Variants in ARHGEF26 observed in about 807,000 individuals in gnomAD.
ARHGEF26 encodes the protein Rho guanine nucleotide exchange factor 26.
Under a neutral mutation model 89.4 loss-of-function variants are expected in ARHGEF26, and 59 were observed. The observed-to-expected ratio is 0.66, with a 90% CI of 0.54 to 0.82. ARHGEF26 has a LOEUF of 0.82. Ranked by LOEUF, ARHGEF26 falls within the 40% of genes least tolerant of loss-of-function variation. The pLI is 0.00. For missense variants in ARHGEF26, 1,234 were observed against 1,085.6 expected, an observed-to-expected ratio of 1.14 and a Z score of -1.92; for synonymous variants, 500 against 428.4, an observed-to-expected ratio of 1.17 and a Z score of -2.06.
chr3:154,254,919 A>C, intron 14 of ARHGEF26, 95 bp downstream of exon 14: 1 of 968,030 alleles, frequency 1.0e-6, no homozygotes, highest in Admixed American at 1.9e-5. Flanking sequence ...CCCATATTCC[A>C]AATCTTGACA....
intron 2 of ARHGEF26, among the ~76,000 whole-genome samples, chr3:154,123,649 T>TTG (rs1260310418): frequency 6.6e-6 from 1 of 152,218 alleles, no homozygotes; most frequent in Non-Finnish European, 1.5e-5. Context: ...TTTGTCATCT[T>TTG]TTTTGTTGCT....
chr3:154,139,121 G>A (rs1719198284), intron 4 of ARHGEF26, among the ~76,000 whole-genome samples: 1 of 152,150 alleles, frequency 6.6e-6, no homozygotes, highest in Non-Finnish European at 1.5e-5. Context: ...GGGTAGAAGA[G>A]TCTCAGGTAG....
At chr3:154,213,811 T>C (rs1171066337) in intron 9 of ARHGEF26, among the ~76,000 whole-genome samples, 1 of 152,162 alleles carries the variant, frequency 6.6e-6, no homozygotes, top group Admixed American at 6.5e-5. Flanking sequence ...AATTGTTTCT[T>C]TTTTTTAAAA....
chr3:154,237,358 A>T (rs538341865), intron 11 of ARHGEF26, among the ~76,000 whole-genome samples: 1 of 152,226 alleles, frequency 6.6e-6, no homozygotes, highest in South Asian at 2.1e-4. Flanking sequence ...CATGGCCAAC[A>T]TGGTGAAACC....
At chr3:154,207,301 C>G (rs949295242) in intron 9 of ARHGEF26, among the ~76,000 whole-genome samples, 3 of 152,092 alleles carry the variant, frequency 2.0e-5, no homozygotes, top group South Asian at 2.1e-4. Context: ...AGGAAACTCT[C>G]AACAGAGTAA....
rs1718578859 is a variant in ARHGEF26, at chr3:154,257,224, C to CTAA, written c.*1753_*1755dup. On this transcript the variant is annotated 3_prime_UTR_variant, in exon 15 of 15. Transcript: ENST00000465093. ...GCTCTTTTTGACCTGTGCATACCTT[C>CTAA]TAATTGTAAAATATATTTCAGACCG... 4 of 301,064 alleles carry CTAA rather than the reference C, an allele frequency of 1.3e-5. No homozygotes were observed. Among genetic ancestry groups the CTAA allele is most frequent in the Non-Finnish European group, 2.4e-5 (4 of 165,058 alleles). The allele number at this position is 301,064 out of a possible 1,614,324, so 18.6% of individuals were successfully genotyped here.
intron 10 of ARHGEF26, among the ~76,000 whole-genome samples, chr3:154,221,976 A>G (rs1716159370): frequency 6.6e-6 from 1 of 152,168 alleles, no homozygotes; most frequent in African/African-American, 2.4e-5. Context: ...TTGGTTGCAA[A>G]TTTACTAAGT....
chr3:154,194,612 A>G, intron 8 of ARHGEF26, 32 bp from the exon 9 acceptor site: 1 of 1,487,648 alleles, frequency 6.7e-7, no homozygotes, highest in East Asian at 2.4e-5. Context: ...AAAATAGATC[A>G]ATAAATTTTG....
Position 154,254,197 on chromosome 3 carries a change from G to A in ARHGEF26, c.2369-523G>A, listed in dbSNP as rs376545396. ...CCCAAAGTGCTGGGATTACAGGCGT[G>A]AGCCACCGTGCCCGGCCACATGTCA... On this transcript the variant is annotated intron_variant, in intron 13 of 14. Coordinates refer to ENST00000465093, the MANE Select transcript of ARHGEF26 (RefSeq NM_015595.4). Among the ~76,000 whole-genome samples, 71 of 152,256 alleles carry A rather than the reference G, an allele frequency of 4.7e-4. No individual in the cohort carries two copies. In the East Asian group the frequency reaches 0.01, roughly 22 times the overall value.
At chr3:154,201,487 A>G (rs1310806461) in intron 9 of ARHGEF26, among the ~76,000 whole-genome samples, 1 of 152,168 alleles carries the variant, frequency 6.6e-6, no homozygotes, top group Admixed American at 6.5e-5. Flanking sequence ...TCTTTATAGC[A>G]GCATGTTTTA....
At chr3:154,139,937 A>G (rs1246720922) in intron 4 of ARHGEF26, among the ~76,000 whole-genome samples, 1 of 152,242 alleles carries the variant, frequency 6.6e-6, no homozygotes, top group South Asian at 2.1e-4. Context: ...ATAAAATTGC[A>G]GATTATTTCC....
intron 9 of ARHGEF26, among the ~76,000 whole-genome samples, chr3:154,202,493 T>C (rs1269598634): frequency 6.6e-6 from 1 of 152,136 alleles, no homozygotes; most frequent in African/African-American, 2.4e-5. Context: ...GGGCTCTTTT[T>C]TGGTTCCATA....
At position 154,230,222 on chromosome 3, in the gene ARHGEF26, A is replaced by AAGCG. The variant is rs201368293; in HGVS notation, c.2090+4214_2090+4215insCGAG. ...CTGCTGTATCAAAGTGCCACAAACA[A>AAGCG]AGTGAGTGGCTTAAAACAGTCAGAA... On this transcript the variant is annotated intron_variant, in intron 11 of 14. Transcript: ENST00000465093. Among the ~76,000 whole-genome samples the AAGCG allele has an allele frequency of 5.1e-3, 784 of 152,334 alleles. 4 individuals are homozygous for AAGCG. The highest frequency in any genetic ancestry group is 7.8e-3 in the Non-Finnish European group (531 of 68,022).
At chr3:154,133,148 G>A (rs537614248) in intron 4 of ARHGEF26, among the ~76,000 whole-genome samples, 87 of 152,290 alleles carry the variant, frequency 5.7e-4, no homozygotes, top group Non-Finnish European at 1.0e-4. Context: ...GCAATTTGCA[G>A]TAATTTATGG....
At chr3:154,188,996 T>A (rs1713770513) in intron 7 of ARHGEF26, among the ~76,000 whole-genome samples, 1 of 152,138 alleles carries the variant, frequency 6.6e-6, no homozygotes, top group African/African-American at 2.4e-5. Context: ...ATCTGCTAGA[T>A]GCCAAAAATC....
chr3:154,149,457 C>A lies in ARHGEF26; in HGVS notation c.1326+12C>A, dbSNP rs761593284. 2 of 1,602,086 alleles carry A rather than the reference C, an allele frequency of 1.2e-6. No homozygotes were observed. Among genetic ancestry groups the A allele is most frequent in the African/African-American group, 2.7e-5 (2 of 74,908 alleles). On this transcript the variant is annotated intron_variant, in intron 5 of 14. Transcript: ENST00000465093. ...GAAAGAGACAAGAGGTATGTTTCTA[C>A]CGAGCAGCTGCTTTAGAGCTCTGGA...
At chr3:154,176,570 A>T (rs1712834001) in intron 6 of ARHGEF26, among the ~76,000 whole-genome samples, 1 of 152,116 alleles carries the variant, frequency 6.6e-6, no homozygotes. Context: ...CAGGATGTAG[A>T]TGGGTCCAGG....
At chr3:154,173,064 G>A (rs914788788) in intron 6 of ARHGEF26, among the ~76,000 whole-genome samples, 2 of 152,094 alleles carry the variant, frequency 1.3e-5, no homozygotes, top group Non-Finnish European at 2.9e-5. Flanking sequence ...TTACAGCAAC[G>A]TTTACTTTAT....
intron 6 of ARHGEF26, among the ~76,000 whole-genome samples, chr3:154,165,458 C>T (rs975242143): frequency 6.6e-6 from 1 of 152,140 alleles, no homozygotes; most frequent in African/African-American, 2.4e-5. Context: ...AACTAAGATA[C>T]GTTTTCTCTG....
Sources: gnomAD v4.1 joint callset for allele counts (sites outside exome capture counted in the v4.1 genomes callset) on GRCh38, gnomAD v4.1.1 for gene constraint, MANE v1.5 for transcripts, NCBI Gene and HGNC (gene_info 2026-07-23, HGNC 2026-07-21) for gene names.